Variants in PLEC observed in about 807,000 individuals in gnomAD.
The protein encoded by PLEC is hemidesmosomal protein 1.
Under a neutral mutation model 392.8 loss-of-function variants are expected in PLEC, and 216 were observed. That is an observed-to-expected ratio of 0.55 (90% CI 0.49 to 0.62). PLEC has a LOEUF of 0.62. Among genes scored for constraint, PLEC ranks in the 20% least tolerant of loss-of-function variants. PLEC has a pLI of 0.00. For synonymous variants in PLEC, 3,621 were observed against 2,980.6 expected (o/e 1.21, Z -7.00); for missense variants, 6,863 against 6,563.4 (o/e 1.05, Z -1.58).
In PLEC at chr8:143,916,741, C is replaced by T. The variant is rs781946538; in HGVS notation, c.13080G>A (p.Glu4360=). The change falls in exon 32 of 32, where the codon GAG becomes GAA. Residue 4360 remains glutamate (E), a synonymous_variant. Transcript: ENST00000345136. Reference sequence around the variant, plus strand: ...ACATCTTGGTCTTGGTGCGTGGGTCCTCGAAGCCGCAGAAGGCCTTCTGGG... The same window carrying T: ...ACATCTTGGTCTTGGTGCGTGGGTCTTCGAAGCCGCAGAAGGCCTTCTGGG... The part of the protein sequence containing the change: ...NLAQKAFCGF[E]DPRTKTKMSA... 6.2e-7 allele frequency: 1 copy of T among 1,613,172 alleles called. No homozygotes were observed. Among genetic ancestry groups the T allele is most frequent in the Non-Finnish European group, 8.5e-7 (1 of 1,179,970 alleles).
chr8:143,924,090 C>G lies in PLEC; in HGVS notation c.5839G>C (p.Glu1947Gln), dbSNP rs1554695680. ...GCGTTGCTGCGGATGCGTCCCAGCT[C>G]CAGCTCCAGCTCCGCCTTGCCAGCG... ...AAAGKAELEL[E>Q]LGRIRSNAED... Residue 1947 changes from glutamate to glutamine, a missense_variant, in exon 31 of 32, where the codon GAG becomes CAG. Coordinates refer to ENST00000345136, the MANE Select transcript of PLEC (RefSeq NM_201384.3). The G allele has an allele frequency of 6.3e-7, 1 of 1,598,474 alleles. No individual in the cohort carries two copies. Among genetic ancestry groups the G allele is most frequent in the African/African-American group, 1.3e-5 (1 of 74,960 alleles).
rs202135215 is a variant in PLEC at position 143,930,278 on chromosome 8, G to T, written c.2478C>A (p.Asp826Glu). 5.6e-6 allele frequency: 9 copies of T among 1,602,994 alleles called. No homozygotes were observed. The change falls in exon 21 of 32, where the codon GAC (aspartate) becomes GAA (glutamate). Residue 826 changes from aspartate to glutamate, a missense_variant. Transcript: ENST00000345136. Reference sequence around the variant, plus strand: ...GTGCAGGGCCCACCAGCTGGCACTCGTCACCCTTGTGCACAGTCACCTGGG... The same window carrying T: ...GTGCAGGGCCCACCAGCTGGCACTCTTCACCCTTGTGCACAGTCACCTGGG... ...KQVEVTVHKG[D>E]ECQLVGPAQP...
chr8:143,937,530 G>C (rs1829379853), intron 3 of PLEC: 1 of 537,252 alleles, frequency 1.9e-6, no homozygotes, highest in East Asian at 3.2e-5. Context: ...TGGCACTAAA[G>C]GGGGGGTCCT....
chr8:143,925,058 C>G lies in PLEC; in HGVS notation c.4871G>C (p.Arg1624Pro). The change falls in exon 31 of 32, where the codon CGC becomes CCC. Residue 1624 changes from arginine (R) to proline (P), a missense_variant. Coordinates refer to ENST00000345136, the MANE Select transcript of PLEC (RefSeq NM_201384.3). ...CTCCAGCTCCCGCTCTGCCTCCTCG[C>G]GCGCCCGCTCGGCCTCGGCCTGCTG... is the stretch of plus-strand genomic sequence containing the variant. ...AQQQAEAERAREEAERELERW... is the reference protein window; with the variant it reads ...AQQQAEAERAPEEAERELERW... 2 of 1,542,328 alleles carry G rather than the reference C, an allele frequency of 1.3e-6. No individual in the cohort carries two copies. Among genetic ancestry groups the G allele is most frequent in the East Asian group, 2.4e-5 (1 of 41,230 alleles).
upstream of PLEC, chr8:143,973,600 G>C: frequency 1.1e-6 from 1 of 911,964 alleles, no homozygotes; most frequent in South Asian, 5.0e-5. This position sits in a 1 kb window ranked among gnomAD's most constrained non-coding sequence, Gnocchi z 5.6. Context: ...CCGCACCCAG[G>C]ATGCCCCACG....
Position 143,938,239 on chromosome 8 carries a change from G to A in PLEC, c.176C>T (p.Ala59Val), listed in dbSNP as rs530919504. ...ATACAGGTCACTGATGTGCCTCTGG[G>A]CCTGTGGGGACAGCAGCGGCTGAGG... ...TKWVNKHLIKAQRHISDLYED... is the reference protein window; with the variant it reads ...TKWVNKHLIKVQRHISDLYED... The change falls in exon 3 of 32, where the codon GCC becomes GTC. Residue 59 changes from alanine to valine, a missense_variant and splice_region_variant. Transcript: ENST00000345136. 3.1e-6 allele frequency: 5 copies of A among 1,598,506 alleles called. No homozygotes were observed. In the Middle Eastern group the frequency reaches 5.0e-4, roughly 158 times the overall value.
At position 143,926,839 on chromosome 8, in the gene PLEC, G is replaced by A. The variant is rs782224461; in HGVS notation, c.3989C>T (p.Thr1330Met). The A allele has an allele frequency of 9.3e-6, 15 of 1,613,064 alleles. No individual in the cohort carries two copies. Among genetic ancestry groups the A allele is most frequent in the African/African-American group, 2.7e-5 (2 of 75,048 alleles). ...GCTGATGAACTTGATGTACTGGCTC[G>A]TCAGTGTGGTCAGCTCGCTGTAGTG... is the stretch of plus-strand genomic sequence containing the variant. The part of the protein sequence containing the change: ...RTHYSELTTL[T>M]SQYIKFISET... Residue 1330 changes from threonine to methionine, a missense_variant, in exon 30 of 32, where the codon ACG becomes ATG. Transcript: ENST00000345136.
Position 143,916,774 on chromosome 8 carries a change from G to C in PLEC, c.13047C>G (p.Ile4349Met). Residue 4349 changes from isoleucine to methionine, a missense_variant, in exon 32 of 32, where the codon ATC becomes ATG. Physicochemically the swap from Ile to Met is conservative, Grantham distance 10. Coordinates refer to ENST00000345136, the MANE Select transcript of PLEC (RefSeq NM_201384.3). ...CGCAGAAGGCCTTCTGGGCCAGGTT[G>C]ATGCGGTCCACCATGATCTTGTCCA... is the stretch of plus-strand genomic sequence containing the variant. ...GLVDKIMVDR[I>M]NLAQKAFCGF... is the part of the protein sequence containing the mutation. The C allele has an allele frequency of 1.2e-6, 2 of 1,613,340 alleles. No individual in the cohort carries two copies.
upstream of PLEC, among the ~76,000 whole-genome samples, chr8:143,952,483 A>C (rs184041365): frequency 6.6e-5 from 10 of 152,234 alleles, no homozygotes; most frequent in East Asian, 1.2e-3. Flanking sequence ...TTTGGGAACA[A>C]CACCAGCTGG....
chr8:143,974,193 G>T (rs548607783), upstream of PLEC, among the ~76,000 whole-genome samples: 1 of 152,362 alleles, frequency 6.6e-6, no homozygotes, highest in Non-Finnish European at 1.5e-5. This position sits in a 1 kb window ranked among gnomAD's most constrained non-coding sequence, Gnocchi z 5.9. Context: ...ACCGTCAGAG[G>T]ACGCAGAGCC....
At position 143,917,963 on chromosome 8, in the gene PLEC, A is replaced by G. The variant is rs1821113369; in HGVS notation, c.11858T>C (p.Met3953Thr). ...TKERLSVYQA[M>T]KKGIIRPGTA... ...GCCGGGGCGGATGATGCCCTTCTTCATGGCCTGGTACACCGAGAGCCGTTC... is the reference window on the plus strand; with the variant it reads ...GCCGGGGCGGATGATGCCCTTCTTCGTGGCCTGGTACACCGAGAGCCGTTC... The change falls in exon 32 of 32, where the codon ATG (methionine) becomes ACG (threonine). Residue 3953 changes from methionine to threonine, a missense_variant. Transcript: ENST00000345136. The G allele has an allele frequency of 1.9e-6, 3 of 1,612,842 alleles. No individual in the cohort carries two copies. The highest frequency in any genetic ancestry group is 1.1e-5 in the South Asian group (1 of 91,076).
At chr8:143,933,938 A>AGGGC in intron 12 of PLEC, 60 bp downstream of exon 12, 1 of 1,449,552 alleles carries the variant, frequency 6.9e-7, no homozygotes, top group Non-Finnish European at 9.5e-7. Context: ...TTAGGGCTGC[A>AGGGC]GGGCGGGGCA....
chr8:143,944,335 G>T (rs371123721), upstream of PLEC, among the ~76,000 whole-genome samples: 1 of 152,108 alleles, frequency 6.6e-6, no homozygotes, highest in East Asian at 1.9e-4. Flanking sequence ...AGAGGGGCCC[G>T]AGCAGCCCAC....
intron 1 of PLEC, among the ~76,000 whole-genome samples, chr8:143,963,277 C>T (rs148266091): frequency 6.6e-6 from 1 of 152,342 alleles, no homozygotes; most frequent in Admixed American, 6.5e-5. Flanking sequence ...CAGCTGCAAA[C>T]ATGTGCTACC....
rs782750785 is a variant in PLEC, at chr8:143,916,316, C to T, written c.13505G>A (p.Arg4502His). 2.1e-5 allele frequency: 33 copies of T among 1,585,456 alleles called. No individual in the cohort carries two copies. Among genetic ancestry groups the T allele is most frequent in the African/African-American group, 1.1e-4 (8 of 74,120 alleles). Residue 4502 changes from arginine (R) to histidine (H), a missense_variant, in exon 32 of 32, where the codon CGC (arginine) becomes CAC (histidine). Coordinates refer to ENST00000345136, the MANE Select transcript of PLEC (RefSeq NM_201384.3). ...GSRTGSRAGSRRGSFDATGSG... is the reference protein window; with the variant it reads ...GSRTGSRAGSHRGSFDATGSG... The stretch of plus-strand genomic sequence containing the variant: ...GCCGGTGGCGTCAAAGCTGCCGCGG[C>T]GGGAGCCGGCCCGGGAGCCGGTGCG...
upstream of PLEC, chr8:143,943,989 G>A (rs1043492806): frequency 2.0e-6 from 3 of 1,530,538 alleles, no homozygotes; most frequent in Non-Finnish European, 2.6e-6. Flanking sequence ...GAGCGAGGGG[G>A]AGCGCCGGGA....
chr8:143,975,407 G>A, upstream of PLEC: 1 of 1,580,286 alleles, frequency 6.3e-7, no homozygotes, highest in Non-Finnish European at 8.6e-7. This position sits in a 1 kb window ranked among gnomAD's most constrained non-coding sequence, Gnocchi z 9.9. Context: ...TCACATCTCT[G>A]CCTGTTCAGG....
rs1554701238 is a variant in PLEC at position 143,925,211 on chromosome 8, C to G, written c.4718G>C (p.Ser1573Thr). The change falls in exon 31 of 32, where the codon AGT (serine) becomes ACT (threonine). Residue 1573 changes from serine (S) to threonine (T), a missense_variant. Ser to Thr is a moderately conservative substitution (Grantham distance 58). Transcript: ENST00000345136. ...TTTGCTCTGCAGCTCCGCCTCTGCA[C>G]TGCGCTGCGCCGTCTCCAGGGCCAC... is the stretch of plus-strand genomic sequence containing the variant. ...VQVALETAQR[S>T]AEAELQSKRA... 2 of 1,588,016 alleles carry G rather than the reference C, an allele frequency of 1.3e-6. No individual in the cohort carries two copies. Among genetic ancestry groups the G allele is most frequent in the South Asian group, 2.2e-5 (2 of 89,578 alleles).
At chr8:143,950,314 C>A in exon 1 of PLEC, 4 of 1,572,356 alleles carry the variant, frequency 2.5e-6, no homozygotes, top group Non-Finnish European at 8.6e-7. Context: ...CCGTCGGCAG[C>A]GGCCCCCGCT....
Sources: allele counts gnomAD v4.1 joint callset (sites outside exome capture counted in the v4.1 genomes callset), GRCh38; gene constraint gnomAD v4.1.1; non-coding constraint Gnocchi (gnomAD v3.1); transcripts MANE v1.5; gene names NCBI Gene and HGNC (gene_info 2026-07-23, HGNC 2026-07-21).